Variants in SCAP observed in about 807,000 individuals in gnomAD.
The protein encoded by SCAP is sterol regulatory element-binding protein cleavage-activating protein.
SCAP carries 65 observed loss-of-function variants against 123.6 expected under a neutral mutation model. The observed-to-expected ratio is 0.53, with a 90% CI of 0.43 to 0.65. SCAP has a LOEUF of 0.65. SCAP is among the 30% of genes least tolerant of loss of function. The pLI is 0.00. For missense variants in SCAP, 1,398 were observed against 1,712.5 expected (o/e 0.82, Z 3.24); for synonymous variants, 740 against 726.3 (o/e 1.02, Z -0.30).
At chr3:47,461,879 C>T (rs1032609526) in intron 1 of SCAP, among the ~76,000 whole-genome samples, 9 of 152,140 alleles carry the variant, frequency 5.9e-5, no homozygotes, top group Middle Eastern at 3.4e-3. Flanking sequence ...ACTAAAAATA[C>T]AAAAATTAGC....
intron 1 of SCAP, among the ~76,000 whole-genome samples, chr3:47,459,285 G>A (rs1312290679): frequency 6.6e-6 from 1 of 152,202 alleles, no homozygotes; most frequent in East Asian, 1.9e-4. Context: ...AGGCCACACA[G>A]GCTAAACACC....
chr3:47,475,597 C>A (rs1047815932), intron 1 of SCAP: 1 of 152,258 alleles, frequency 6.6e-6, no homozygotes, highest in African/African-American at 2.4e-5. Context: ...TGCAGGGACA[C>A]GGCCGGGTTG....
chr3:47,417,618 G>C lies in SCAP; in HGVS notation c.2656C>G (p.Arg886Gly). ...TCGGGCTGAGTGGGCTGTGAGGACC[G>C]AGGCTGCGCTGAAAAGTTGGTGTCA... ...LIDTNFSAQP[R>G]SSQPTQPEPR... The change falls in exon 17 of 23, where the codon CGG becomes GGG. Residue 886 changes from arginine to glycine, a missense_variant. This residue lies in a region of SCAP where 828 missense variants were observed against 882.5 expected (regional missense o/e 0.94). Coordinates refer to ENST00000265565, the MANE Select transcript of SCAP (RefSeq NM_012235.4). 2 of 1,607,100 alleles carry C rather than the reference G, an allele frequency of 1.2e-6. No homozygotes were observed. The highest frequency in any genetic ancestry group is 1.7e-6 in the Non-Finnish European group (2 of 1,177,740).
Position 47,418,348 on chromosome 3 carries a change from C to A in SCAP, c.2304G>T (p.Val768=), listed in dbSNP as rs748659730. 12 of 1,569,714 alleles carry A rather than the reference C, an allele frequency of 7.6e-6. No individual in the cohort carries two copies. The African/African-American group carries it at 1.5e-4, about 19-fold the overall frequency. Residue 768 remains valine (V), a synonymous_variant, in exon 15 of 23, where the codon GTG becomes GTT. Transcript: ENST00000265565. ...YGYAPPETEI[V]PLVLRGHLMD... ...TGAGGTGGCCGCGCAGCACAAGCGG[C>A]ACGATCTCCGTCTCGGGTGGCGCAT...
intron 8 of SCAP, 92 bp downstream of exon 8, chr3:47,425,393 A>G: frequency 1.4e-6 from 2 of 1,405,684 alleles, no homozygotes; most frequent in Non-Finnish European, 1.9e-6. Flanking sequence ...GTGAGGTCAC[A>G]GCAAAGTCCA....
At chr3:47,422,346 G>A (rs931202091) in intron 10 of SCAP, 96 bp downstream of exon 10, 2 of 1,047,598 alleles carry the variant, frequency 1.9e-6, no homozygotes, top group South Asian at 1.5e-5. Flanking sequence ...AAGGATGCCT[G>A]TGCTGAAGAG....
chr3:47,473,416 G>A (rs1400769105), intron 1 of SCAP, among the ~76,000 whole-genome samples: 3 of 152,212 alleles, frequency 2.0e-5, no homozygotes, highest in African/African-American at 7.2e-5. Context: ...AGCCAACTCA[G>A]TAAGGTAGCA....
At chr3:47,416,963 T>C (rs573018779) in intron 18 of SCAP, among the ~76,000 whole-genome samples, 159 bp downstream of exon 18, 2 of 152,310 alleles carry the variant, frequency 1.3e-5, no homozygotes, top group African/African-American at 4.8e-5. Flanking sequence ...CCCATCCAAG[T>C]GGACTGCCCT....
At chr3:47,442,737 TCA>T (rs1706853781) in intron 2 of SCAP, 133 bp downstream of exon 2, 2 of 733,790 alleles carry the variant, frequency 2.7e-6, no homozygotes, top group Non-Finnish European at 4.5e-6. Flanking sequence ...AGTTCTCCAC[TCA>T]CAGTTATAAG....
chr3:47,421,379 A>C (rs2107792762), intron 10 of SCAP: 1 of 261,804 alleles, frequency 3.8e-6, no homozygotes, highest in African/African-American at 2.2e-5. Context: ...TTCCCCACTG[A>C]GCCCCCGCCC....
At chr3:47,463,905 G>A (rs1254629302) in intron 1 of SCAP, among the ~76,000 whole-genome samples, 1 of 151,748 alleles carries the variant, frequency 6.6e-6, no homozygotes, top group Non-Finnish European at 1.5e-5. Context: ...TTGTACAATC[G>A]TGGCTCACTG....
chr3:47,435,517 C>A (rs988921036), intron 2 of SCAP, among the ~76,000 whole-genome samples: 1 of 140,800 alleles, frequency 7.1e-6, no homozygotes, highest in Non-Finnish European at 1.6e-5. Flanking sequence ...CACACACACA[C>A]AGATAGATAG....
At chr3:47,422,908 A>T (rs1401329146) in intron 9 of SCAP, 1 of 176,382 alleles carries the variant, frequency 5.7e-6, no homozygotes, top group Non-Finnish European at 1.2e-5. Context: ...ACGGGCCAGC[A>T]TGACAGTGTG....
At position 47,449,856 on chromosome 3, in the gene SCAP, T is replaced by C. The variant is rs1446620181; in HGVS notation, c.-98-6765A>G. ...TTTCTGGGGTTACTCCACTGATCCATGCATTCTGTCCAGGGATTTCAGTTG... is the reference window on the plus strand; with the variant it reads ...TTTCTGGGGTTACTCCACTGATCCACGCATTCTGTCCAGGGATTTCAGTTG... On this transcript the variant is annotated intron_variant, in intron 1 of 22. Transcript: ENST00000265565. 5.6e-5 allele frequency among the ~76,000 whole-genome samples: 7 copies of C among 125,334 alleles called. 1 individual carries two copies. The highest frequency in any genetic ancestry group is 1.8e-5 in the Non-Finnish European group (1 of 56,476). The allele number at this position is 125,334 out of a possible 152,430, so 82.2% of individuals were successfully genotyped here. A position where few individuals can be genotyped will look rare whatever the true frequency, so the allele number is the denominator to read the frequency against.
At chr3:47,447,888 C>T (rs1038331380) in intron 1 of SCAP, among the ~76,000 whole-genome samples, 8 of 150,768 alleles carry the variant, frequency 5.3e-5, no homozygotes, top group African/African-American at 1.7e-4. Context: ...GCCTGTAATC[C>T]CAGCTATTCT....
In SCAP at chr3:47,465,845, A is replaced by AC. The variant is rs539075971; in HGVS notation, c.-99+9953_-99+9954insG. On this transcript the variant is annotated intron_variant, in intron 1 of 22. Transcript: ENST00000265565. ...CCATTTACTTGTTTAAAAAAACAAA[A>AC]AAAAAAAAGCTGGGTGCAGTGGCCC... 5.7e-4 allele frequency among the ~76,000 whole-genome samples: 84 copies of AC among 148,206 alleles called. 1 individual carries two copies. Among genetic ancestry groups the AC allele is most frequent in the Admixed American group, 2.7e-3 (41 of 14,980 alleles).
At chr3:47,455,388 A>T (rs1707382008) in intron 1 of SCAP, among the ~76,000 whole-genome samples, 1 of 151,708 alleles carries the variant, frequency 6.6e-6, no homozygotes, top group Non-Finnish European at 1.5e-5. Flanking sequence ...TGAAGTCAGG[A>T]GTTAAAGACC....
At chr3:47,447,178 C>A (rs927215199) in intron 1 of SCAP, among the ~76,000 whole-genome samples, 1 of 152,086 alleles carries the variant, frequency 6.6e-6, no homozygotes, top group African/African-American at 2.4e-5. Context: ...CCGAGGTGGG[C>A]GGATCGCTTG....
At chr3:47,438,529 T>C (rs1347675178) in intron 2 of SCAP, among the ~76,000 whole-genome samples, 1 of 152,152 alleles carries the variant, frequency 6.6e-6, no homozygotes, top group Admixed American at 6.6e-5. Flanking sequence ...AAAAGTTAAT[T>C]TAGGCTGGGC....
Sources: allele counts gnomAD v4.1 joint callset (sites outside exome capture counted in the v4.1 genomes callset), GRCh38; gene constraint gnomAD v4.1.1; regional missense constraint gnomAD v4.1.1; transcripts MANE v1.5; gene names NCBI Gene and HGNC (gene_info 2026-07-23, HGNC 2026-07-21).